The following YPEL2 variants were observed in gnomAD, a reference collection of about 807,000 sequenced individuals.
YPEL2 encodes protein yippee-like 2.
Under a neutral mutation model 19.1 loss-of-function variants are expected in YPEL2, and 2 were observed. The observed-to-expected ratio is 0.10, with a 90% CI of 0.04 to 0.33. The LOEUF (loss-of-function observed/expected upper bound fraction) is 0.33. Among genes scored for constraint, YPEL2 ranks in the 10% least tolerant of loss-of-function variants. The probability of loss-of-function intolerance (pLI) is 1.00; values close to 1 mark genes in which losing one functional copy is unlikely to be tolerated. For missense variants in YPEL2, 66 were observed against 140.7 expected, an observed-to-expected ratio of 0.47 and a Z score of 2.68; for synonymous variants, 52 against 50.0, an observed-to-expected ratio of 1.04 and a Z score of -0.17.
At chr17:59,348,249 C>CA (rs1303631512) in intron 1 of YPEL2, among the ~76,000 whole-genome samples, 1 of 152,244 alleles carries the variant, frequency 6.6e-6, no homozygotes, top group African/African-American at 2.4e-5. Context: ...GCCTTGGGGC[C>CA]AGCCTTGTCT....
At chr17:59,389,739 A>G (rs1220865329) in intron 4 of YPEL2, among the ~76,000 whole-genome samples, 1 of 151,836 alleles carries the variant, frequency 6.6e-6, no homozygotes, top group Non-Finnish European at 1.5e-5. Flanking sequence ...ACAGCTCACT[A>G]GATGCCAGGC....
chr17:59,348,386 G>A (rs180966056), intron 1 of YPEL2, among the ~76,000 whole-genome samples: 146 of 152,198 alleles, frequency 9.6e-4, no homozygotes, highest in African/African-American at 3.3e-3. Flanking sequence ...TAACAAGAGC[G>A]TCCCATCTCC....
chr17:59,392,507 G>GTTTTTT (rs3063116), intron 4 of YPEL2, among the ~76,000 whole-genome samples: 5 of 103,172 alleles, frequency 4.8e-5, no homozygotes, highest in Admixed American at 1.1e-4. Flanking sequence ...CTCAGGGCAC[G>GTTTTTT]TTTTTTTTTT....
intron 3 of YPEL2, 53 bp from the exon 4 acceptor site, chr17:59,389,307 C>A: frequency 6.7e-7 from 1 of 1,495,302 alleles, no homozygotes; most frequent in Non-Finnish European, 9.2e-7. Context: ...AGCTTGAATG[C>A]CTGATGTGCG....
At chr17:59,389,562 TTG>T in intron 4 of YPEL2, 94 bp downstream of exon 4, 1 of 946,692 alleles carries the variant, frequency 1.1e-6, no homozygotes, top group South Asian at 1.4e-5. Flanking sequence ...TTCCATGGCC[TTG>T]TGGGATTGTC....
chr17:59,332,602 T>C (rs1045097990), intron 1 of YPEL2, among the ~76,000 whole-genome samples: 3 of 151,998 alleles, frequency 2.0e-5, no homozygotes, highest in Non-Finnish European at 4.4e-5. Flanking sequence ...GTGGTGGGCT[T>C]TTCTCCGGTC....
At chr17:59,377,961 C>T (rs1440020326) in intron 2 of YPEL2, among the ~76,000 whole-genome samples, 9 of 152,210 alleles carry the variant, frequency 5.9e-5, no homozygotes, top group African/African-American at 1.2e-4. Flanking sequence ...ATCTTCACCA[C>T]GTCCCTCTGG....
chr17:59,384,969 AG>A (rs1304507134), intron 2 of YPEL2, among the ~76,000 whole-genome samples: 2 of 152,206 alleles, frequency 1.3e-5, no homozygotes, highest in African/African-American at 4.8e-5. Flanking sequence ...CCGAACTTGA[AG>A]GTCTTAGCAA....
rs1598032428 is a variant in YPEL2 at position 59,353,884 on chromosome 17, G to A, written c.117+358G>A. ...GCTCCCTGCTCAGAAGGTGAATTCT[G>A]ATAAAGCAGGGGAATGTCTTGTAAG... is the stretch of plus-strand genomic sequence containing the variant. On this transcript the variant is annotated intron_variant, in intron 2 of 4. Coordinates refer to ENST00000312655, the MANE Select transcript of YPEL2 (RefSeq NM_001005404.4). This position sits in a 1 kb window ranked among gnomAD's most constrained non-coding sequence, Gnocchi z 4.8. The A allele has an allele frequency of 3.0e-6, 1 of 328,178 alleles. No homozygotes were observed. The highest frequency in any genetic ancestry group is 5.9e-6 in the Non-Finnish European group (1 of 169,042). The allele number at this position is 328,178 out of a possible 1,614,324, so 20.3% of individuals were successfully genotyped here. A position where few individuals can be genotyped will look rare whatever the true frequency, so the allele number is the denominator to read the frequency against.
At chr17:59,349,173 C>CAAAAA (rs57129006) in intron 1 of YPEL2, among the ~76,000 whole-genome samples, 8 of 57,484 alleles carry the variant, frequency 1.4e-4, no homozygotes, top group Admixed American at 4.2e-4. Flanking sequence ...GACTCCGTCT[C>CAAAAA]AAAAAAAAAA....
At position 59,400,568 on chromosome 17, in the gene YPEL2, G is replaced by GGAAC. The variant is rs2048065668; in HGVS notation, c.*3379_*3382dup. On this transcript the variant is annotated 3_prime_UTR_variant, in exon 5 of 5. Transcript: ENST00000312655. ...TGCCTCTCTGCATTTTTTCCCCAGT[G>GGAAC]GAACAGACTCTGCAGTACATTAATC... is the stretch of plus-strand genomic sequence containing the variant. The GGAAC allele has an allele frequency of 6.6e-6, 1 of 151,444 alleles. No homozygotes were observed. The allele number at this position is 151,444 out of a possible 1,614,324, so 9.4% of individuals were successfully genotyped here.
At chr17:59,348,762 A>G (rs1359759689) in intron 1 of YPEL2, among the ~76,000 whole-genome samples, 1 of 151,646 alleles carries the variant, frequency 6.6e-6, no homozygotes, top group Non-Finnish European at 1.5e-5. Context: ...TCAATTTGGA[A>G]CTCCACAGTT....
At chr17:59,384,584 G>A (rs992414240) in intron 2 of YPEL2, among the ~76,000 whole-genome samples, 3 of 152,110 alleles carry the variant, frequency 2.0e-5, no homozygotes, top group Admixed American at 6.5e-5. Context: ...ATACATACAG[G>A]ACACATACCA....
chr17:59,358,854 C>T (rs995184315), intron 2 of YPEL2, among the ~76,000 whole-genome samples: 14 of 151,806 alleles, frequency 9.2e-5, no homozygotes, highest in African/African-American at 3.4e-4. Flanking sequence ...GTGATCCGCC[C>T]ACCTCGGCCT....
chr17:59,400,851 TTC>T lies in YPEL2; in HGVS notation c.*3667_*3668del, dbSNP rs1167384223. The T allele has an allele frequency of 6.6e-6, 1 of 152,660 alleles. No individual in the cohort carries two copies. The highest frequency in any genetic ancestry group is 1.9e-4 in the East Asian group (1 of 5,196). 9.5% of individuals were successfully genotyped at this position (152,660 alleles called of 1,614,324 possible). The stretch of plus-strand genomic sequence containing the variant: ...CGGGCGCATAAAGTTTTTCTTCTCT[TTC>T]TCTCTGGTTGTTTCTGTTTCTGAGT... On this transcript the variant is annotated 3_prime_UTR_variant, in exon 5 of 5. Coordinates refer to ENST00000312655, the MANE Select transcript of YPEL2 (RefSeq NM_001005404.4).
At chr17:59,347,764 T>C (rs1444357037) in intron 1 of YPEL2, among the ~76,000 whole-genome samples, 1 of 152,166 alleles carries the variant, frequency 6.6e-6, no homozygotes, top group Non-Finnish European at 1.5e-5. Context: ...AAAGAGATGC[T>C]TGAAGACAAG....
At chr17:59,385,789 C>T (rs896485202) in intron 2 of YPEL2, among the ~76,000 whole-genome samples, 2 of 152,064 alleles carry the variant, frequency 1.3e-5, no homozygotes, top group Admixed American at 6.5e-5. Flanking sequence ...AAATATACAC[C>T]GTTTATTATG....
intron 2 of YPEL2, among the ~76,000 whole-genome samples, chr17:59,360,352 TAC>T (rs2047834759): frequency 1.3e-5 from 2 of 152,188 alleles, no homozygotes; most frequent in Non-Finnish European, 2.9e-5. Context: ...GTGCTGGGAT[TAC>T]AGACGTGAGC....
At chr17:59,379,119 C>T (rs1037774759) in intron 2 of YPEL2, among the ~76,000 whole-genome samples, 2 of 152,148 alleles carry the variant, frequency 1.3e-5, no homozygotes, top group East Asian at 1.9e-4. Flanking sequence ...GGAATAAATC[C>T]CCTTCAGTCT....
Sources: gnomAD v4.1 joint callset for allele counts (sites outside exome capture counted in the v4.1 genomes callset) on GRCh38, gnomAD v4.1.1 for gene constraint, Gnocchi (gnomAD v3.1) non-coding constraint, MANE v1.5 for transcripts, NCBI Gene and HGNC (gene_info 2026-07-23, HGNC 2026-07-21) for gene names.